MIGA1: variants seen among roughly 807,000 people sequenced by gnomAD.
MIGA1 encodes the protein family with sequence similarity 73, member A.
A neutral mutation model predicts 82.0 loss-of-function variants in MIGA1; 58 were observed. The observed-to-expected ratio is 0.71, with a 90% CI of 0.57 to 0.88. MIGA1 has a LOEUF of 0.88. Among genes scored for constraint, MIGA1 ranks in the 40% least tolerant of loss-of-function variants. MIGA1 has a pLI of 0.00. For synonymous variants in MIGA1, 249 were observed against 253.6 expected (o/e 0.98, Z 0.17); for missense variants, 751 against 749.1 (o/e 1.00, Z -0.03).
At chr1:77,815,364 A>AT (rs1409389029) in intron 7 of MIGA1, 133 bp downstream of exon 7, 1 of 580,928 alleles carries the variant, frequency 1.7e-6, no homozygotes, top group Non-Finnish European at 2.5e-6. Context: ...AAGAGAAAAA[A>AT]TTTTTATCAT....
At chr1:77,781,370 T>C (rs1383992531) in intron 1 of MIGA1, among the ~76,000 whole-genome samples, 1 of 152,228 alleles carries the variant, frequency 6.6e-6, no homozygotes. Context: ...ATAGATTGCT[T>C]AATGATCCAG....
intron 8 of MIGA1, among the ~76,000 whole-genome samples, chr1:77,854,383 G>A (rs1189425852): frequency 6.6e-6 from 1 of 152,098 alleles, no homozygotes; most frequent in African/African-American, 2.4e-5. Flanking sequence ...TATCTTTTTC[G>A]AATGATGACT....
Position 77,801,405 on chromosome 1 carries a change from T to A in MIGA1, c.270T>A (p.Ala90=). ...GTGCTATATCTGTAATTTTTCTGGC[T>A]CATCACTTTAAAAGAAAACGTGGAA... Residue 90 remains alanine (A), a synonymous_variant, in exon 3 of 16, where the codon GCT becomes GCA. Coordinates refer to ENST00000370791, the MANE Select transcript of MIGA1 (RefSeq NM_198549.4). The A allele has an allele frequency of 6.2e-7, 1 of 1,608,300 alleles. No individual in the cohort carries two copies. Among genetic ancestry groups the A allele is most frequent in the Non-Finnish European group, 8.5e-7 (1 of 1,178,970 alleles).
At chr1:77,787,174 C>T (rs1390578454) in intron 2 of MIGA1, among the ~76,000 whole-genome samples, 3 of 152,056 alleles carry the variant, frequency 2.0e-5, no homozygotes, top group Non-Finnish European at 2.9e-5. Flanking sequence ...AAGGACTTGT[C>T]CCCATGATTC....
intron 8 of MIGA1, among the ~76,000 whole-genome samples, chr1:77,856,903 TTTC>T (rs1296615718): frequency 4.6e-5 from 7 of 152,176 alleles, no homozygotes; most frequent in South Asian, 4.1e-4. Context: ...GGTTATTTCC[TTTC>T]TTCTTCTGGG....
Position 77,878,764 on chromosome 1 carries a change from TA to T in MIGA1, c.*3701del. 1 of 384,508 alleles carries T rather than the reference TA, an allele frequency of 2.6e-6. No homozygotes were observed. Among genetic ancestry groups the T allele is most frequent in the African/African-American group, 2.1e-5 (1 of 48,500 alleles). 23.8% of individuals were successfully genotyped at this position (384,508 alleles called of 1,614,324 possible). A position where few individuals can be genotyped will look rare whatever the true frequency, so the allele number is the denominator to read the frequency against. On this transcript the variant is annotated 3_prime_UTR_variant, in exon 16 of 16. Coordinates refer to ENST00000370791, the MANE Select transcript of MIGA1 (RefSeq NM_198549.4). ...CTTATTTCTTCTTGAAGGTTAACAT[TA>T]TGTTTATTAAGTATCAAAATGGAAT...
rs1238283613 is a variant in MIGA1, at chr1:77,844,135, T to TATAGATAG, written c.996+752_996+759dup. Among the ~76,000 whole-genome samples, 307 of 112,508 alleles carry TATAGATAG rather than the reference T, an allele frequency of 2.7e-3. 3 individuals are homozygous for TATAGATAG. The highest frequency in any genetic ancestry group is 0.011 in the African/African-American group (282 of 26,066). The allele number at this position is 112,508 out of a possible 152,430, so 73.8% of individuals were successfully genotyped here. A position where few individuals can be genotyped will look rare whatever the true frequency, so the allele number is the denominator to read the frequency against. On this transcript the variant is annotated intron_variant, in intron 8 of 15. Transcript: ENST00000370791. The stretch of plus-strand genomic sequence containing the variant: ...AAAAATATATATATATATATATATA[T>TATAGATAG]ATAGATAGATAGATAGATAGATAGA...
At chr1:77,874,624 T>G (rs1037388615) in intron 15 of MIGA1, among the ~76,000 whole-genome samples, 1 of 152,078 alleles carries the variant, frequency 6.6e-6, no homozygotes, top group Non-Finnish European at 1.5e-5. Flanking sequence ...GAGTAGTAAG[T>G]AGGGTGGGTG....
At chr1:77,873,875 CGTT>C (rs1264150841) in intron 15 of MIGA1, among the ~76,000 whole-genome samples, 4 of 151,974 alleles carry the variant, frequency 2.6e-5, no homozygotes, top group Non-Finnish European at 5.9e-5. Context: ...ATTCAGAACA[CGTT>C]GATTTTTGTA....
chr1:77,789,462 G>A (rs1469758760), intron 2 of MIGA1, among the ~76,000 whole-genome samples: 1 of 151,844 alleles, frequency 6.6e-6, no homozygotes, highest in Non-Finnish European at 1.5e-5. Flanking sequence ...CTCCCGTATT[G>A]GCCTCCCAAA....
chr1:77,874,275 T>C (rs1387312487), intron 15 of MIGA1, among the ~76,000 whole-genome samples: 5 of 152,154 alleles, frequency 3.3e-5, no homozygotes, highest in African/African-American at 4.8e-5. Context: ...AAATGAAATA[T>C]CCTTCAGGAT....
At chr1:77,865,911 TTTTG>T (rs149766452) in intron 13 of MIGA1, among the ~76,000 whole-genome samples, 1,878 of 152,168 alleles carry the variant, frequency 0.012, 38 homozygotes, top group African/African-American at 0.043. Context: ...TAGTTTTGTT[TTTTG>T]TTTGTTTGTT....
chr1:77,860,636 T>A (rs1262685719), intron 11 of MIGA1: 1 of 152,994 alleles, frequency 6.5e-6, no homozygotes, highest in Non-Finnish European at 1.5e-5. Flanking sequence ...TTTGCACACC[T>A]AGTTTTCAGA....
intron 8 of MIGA1, among the ~76,000 whole-genome samples, chr1:77,853,173 A>AT (rs2101916571): frequency 6.6e-6 from 1 of 152,304 alleles, no homozygotes; most frequent in South Asian, 2.1e-4. Context: ...CAAAAACAAA[A>AT]TTTTCAGAAT....
intron 10 of MIGA1, 108 bp downstream of exon 10, chr1:77,859,494 T>C (rs1392549123): frequency 1.4e-6 from 1 of 728,824 alleles, no homozygotes; most frequent in African/African-American, 1.7e-5. Context: ...ATTATCCCTA[T>C]TCCTAATGAC....
At chr1:77,856,035 TA>T in intron 8 of MIGA1, among the ~76,000 whole-genome samples, 1 of 152,292 alleles carries the variant, frequency 6.6e-6, no homozygotes, top group East Asian at 1.9e-4. Flanking sequence ...GGGTTTGTCT[TA>T]GATGGCTTTC....
chr1:77,811,681 T>G, intron 5 of MIGA1: 1 of 1,611,946 alleles, frequency 6.2e-7, no homozygotes. Context: ...TATCTGATAC[T>G]CGTCTATCGC....
intron 14 of MIGA1, among the ~76,000 whole-genome samples, chr1:77,867,233 C>A (rs1377057227): frequency 6.6e-6 from 1 of 152,218 alleles, no homozygotes; most frequent in Non-Finnish European, 1.5e-5. Flanking sequence ...ATGCCACATA[C>A]TAGCTATGTG....
intron 2 of MIGA1, 47 bp downstream of exon 2, chr1:77,783,398 C>G (rs1033377804): frequency 1.8e-6 from 2 of 1,105,056 alleles, no homozygotes; most frequent in African/African-American, 3.1e-5. Context: ...GCTTATTGCT[C>G]AGAGCATATT....
Sources: allele counts gnomAD v4.1 joint callset (sites outside exome capture counted in the v4.1 genomes callset), GRCh38; gene constraint gnomAD v4.1.1; transcripts MANE v1.5; gene names NCBI Gene and HGNC (gene_info 2026-07-23, HGNC 2026-07-21).